HS6ST3: variants seen among roughly 807,000 people sequenced by gnomAD.
HS6ST3 encodes heparan-sulfate 6-O-sulfotransferase 3.
A neutral mutation model predicts 36.7 loss-of-function variants in HS6ST3; 12 were observed. The ratio of observed to expected loss-of-function variants is 0.33; its 90% confidence interval spans 0.21 to 0.53. The LOEUF (loss-of-function observed/expected upper bound fraction) is 0.53, where lower values mean the gene tolerates loss of function less well. Ranked by LOEUF, HS6ST3 falls within the 20% of genes least tolerant of loss-of-function variation. The pLI, the probability that HS6ST3 is intolerant of heterozygous loss-of-function variation, is 0.95. For missense variants in HS6ST3, 584 were observed against 640.9 expected, an observed-to-expected ratio of 0.91 and a Z score of 0.96; for synonymous variants, 240 against 257.5, an observed-to-expected ratio of 0.93 and a Z score of 0.65.
chr13:96,772,173 A>C (rs1436745015), intron 1 of HS6ST3, among the ~76,000 whole-genome samples: 1 of 152,218 alleles, frequency 6.6e-6, no homozygotes, highest in Non-Finnish European at 1.5e-5. Context: ...ATAAAGAGGA[A>C]GTGAAACTTG....
chr13:96,516,921 G>A (rs1254744622), intron 1 of HS6ST3, among the ~76,000 whole-genome samples: 1 of 152,166 alleles, frequency 6.6e-6, no homozygotes, highest in Non-Finnish European at 1.5e-5. Context: ...CAGAGCTACG[G>A]TGAGGTTCAG....
intron 1 of HS6ST3, among the ~76,000 whole-genome samples, chr13:96,588,159 G>A (rs1195714002): frequency 6.7e-6 from 1 of 148,762 alleles, no homozygotes. Context: ...TGTATTGTGT[G>A]TGTGTAGAGT....
intron 1 of HS6ST3, among the ~76,000 whole-genome samples, chr13:96,399,402 A>T (rs1355144540): frequency 6.6e-6 from 1 of 152,206 alleles, no homozygotes. Flanking sequence ...CGTGTCTGTA[A>T]CAGGGTTTAG....
At position 96,649,663 on chromosome 13, in the gene HS6ST3, A is replaced by G. The variant is rs370087231; in HGVS notation, c.708-182827A>G. Among the ~76,000 whole-genome samples, 93 of 152,150 alleles carry G rather than the reference A, an allele frequency of 6.1e-4. 1 individual carries two copies. In the South Asian group the frequency reaches 0.018, roughly 30 times the overall value. On this transcript the variant is annotated intron_variant, in intron 1 of 1. Transcript: ENST00000376705. ...TCCATTACTGTATCCTGATGGGACT[A>G]TCATCATCTCCCACTTGGATTATGG...
chr13:96,796,726 G>A (rs2138524145), intron 1 of HS6ST3, among the ~76,000 whole-genome samples: 1 of 152,174 alleles, frequency 6.6e-6, no homozygotes, highest in African/African-American at 2.4e-5. Context: ...GTACGTGAAA[G>A]TACCAAGAAA....
rs1054241654 is a variant in HS6ST3 at position 96,327,363 on chromosome 13, G to A, written c.707+235794G>A. The stretch of plus-strand genomic sequence containing the variant: ...TCTTCAATTGATTTTTGTATAAGGT[G>A]TAAGGAAGGGATCCAGTTTCAGCTT... On this transcript the variant is annotated intron_variant, in intron 1 of 1. Coordinates refer to ENST00000376705, the MANE Select transcript of HS6ST3 (RefSeq NM_153456.4). 5.1e-4 allele frequency among the ~76,000 whole-genome samples: 78 copies of A among 152,062 alleles called. 1 individual carries two copies. The highest frequency in any genetic ancestry group is 5.1e-4 in the Non-Finnish European group (35 of 68,020).
At chr13:96,394,232 T>C (rs1278420990) in intron 1 of HS6ST3, among the ~76,000 whole-genome samples, 1 of 152,034 alleles carries the variant, frequency 6.6e-6, no homozygotes, top group Non-Finnish European at 1.5e-5. Flanking sequence ...CAGCTATGCC[T>C]GTGGCCCTTA....
chr13:96,710,308 C>T (rs1469062619), intron 1 of HS6ST3, among the ~76,000 whole-genome samples: 2 of 152,254 alleles, frequency 1.3e-5, no homozygotes, highest in Non-Finnish European at 2.9e-5. Flanking sequence ...GCACTGGCCA[C>T]ACTCATTTGG....
chr13:96,780,734 CCTT>C (rs1877504556), intron 1 of HS6ST3, among the ~76,000 whole-genome samples: 1 of 152,100 alleles, frequency 6.6e-6, no homozygotes, highest in Non-Finnish European at 1.5e-5. Flanking sequence ...GCCTCTGCCT[CCTT>C]CTTATATGTG....
chr13:96,517,872 G>C (rs1001911222), intron 1 of HS6ST3, among the ~76,000 whole-genome samples: 3 of 152,082 alleles, frequency 2.0e-5, no homozygotes, highest in Non-Finnish European at 4.4e-5. Flanking sequence ...ATTCCCAGAG[G>C]AATATAAATC....
intron 1 of HS6ST3, among the ~76,000 whole-genome samples, chr13:96,231,788 A>G (rs1341245279): frequency 1.3e-5 from 2 of 152,098 alleles, no homozygotes; most frequent in African/African-American, 4.8e-5. Context: ...CTAAGATTAT[A>G]TGTTTATGTG....
chr13:96,428,803 G>A lies in HS6ST3; in HGVS notation c.707+337234G>A, dbSNP rs549631530. On this transcript the variant is annotated intron_variant, in intron 1 of 1. Coordinates refer to ENST00000376705, the MANE Select transcript of HS6ST3 (RefSeq NM_153456.4). ...TGCTCTGCAGTGCTCCTTAGAAATA[G>A]AAGCAGCTTCTTGGCAAAGTGGAGA... Among the ~76,000 whole-genome samples the A allele has an allele frequency of 1.2e-4, 19 of 152,156 alleles. No homozygotes were observed. In the East Asian group the frequency reaches 2.5e-3, roughly 20 times the overall value.
At chr13:96,272,577 G>A (rs1566308164) in intron 1 of HS6ST3, among the ~76,000 whole-genome samples, 1 of 151,898 alleles carries the variant, frequency 6.6e-6, no homozygotes. Flanking sequence ...TCTGGGTGGG[G>A]GAGAAAGTTC....
At chr13:96,232,287 T>A (rs2054512624) in intron 1 of HS6ST3, among the ~76,000 whole-genome samples, 2 of 151,704 alleles carry the variant, frequency 1.3e-5, no homozygotes, top group Admixed American at 6.6e-5. Flanking sequence ...GAGTTGAGGA[T>A]CAGAGAAAGA....
chr13:96,305,528 A>G (rs527274749), intron 1 of HS6ST3, among the ~76,000 whole-genome samples: 10 of 152,308 alleles, frequency 6.6e-5, no homozygotes, highest in African/African-American at 2.4e-4. Flanking sequence ...GTAAATATAC[A>G]TATTCCATAT....
intron 1 of HS6ST3, among the ~76,000 whole-genome samples, chr13:96,713,502 A>T (rs1016154079): frequency 2.6e-5 from 4 of 152,208 alleles, no homozygotes; most frequent in African/African-American, 4.8e-5. Context: ...CTCCAAGAAT[A>T]GATTCTGAAC....
chr13:96,680,916 T>C (rs1310314502), intron 1 of HS6ST3, among the ~76,000 whole-genome samples: 1 of 152,234 alleles, frequency 6.6e-6, no homozygotes, highest in Non-Finnish European at 1.5e-5. Flanking sequence ...CATCTTGGAA[T>C]GCTGGCTTCG....
intron 1 of HS6ST3, among the ~76,000 whole-genome samples, chr13:96,439,990 A>T (rs1429773387): frequency 1.3e-5 from 2 of 152,206 alleles, no homozygotes; most frequent in African/African-American, 4.8e-5. Flanking sequence ...ACCATTTCTA[A>T]AAGGCCTGGG....
chr13:96,425,449 C>G (rs1007580074), intron 1 of HS6ST3, among the ~76,000 whole-genome samples: 1 of 152,178 alleles, frequency 6.6e-6, no homozygotes, highest in Admixed American at 6.5e-5. Context: ...AGTTCATACA[C>G]AGGCTTCATT....
Sources: gnomAD v4.1 joint callset for allele counts (sites outside exome capture counted in the v4.1 genomes callset) on GRCh38, gnomAD v4.1.1 for gene constraint, MANE v1.5 for transcripts, NCBI Gene and HGNC (gene_info 2026-07-23, HGNC 2026-07-21) for gene names.